The following DUSP5 variants were observed in gnomAD, a reference collection of about 807,000 sequenced individuals.
DUSP5 encodes the protein dual specificity phosphatase 5, also known as dual specificity protein phosphatase 5.
DUSP5 carries 22 observed loss-of-function variants against 33.6 expected under a neutral mutation model. The ratio of observed to expected loss-of-function variants is 0.66; its 90% CI spans 0.47 to 0.94. DUSP5 has a LOEUF of 0.94. Ranked by LOEUF, DUSP5 falls within the 40% of genes least tolerant of loss-of-function variation. The pLI is 0.00. For missense variants in DUSP5, 551 were observed against 522.1 expected (o/e 1.06, Z -0.54); for synonymous variants, 270 against 231.1 (o/e 1.17, Z -1.53).
intron 3 of DUSP5, among the ~76,000 whole-genome samples, chr10:110,509,269 C>A (rs1332415571): frequency 1.3e-5 from 2 of 152,198 alleles, no homozygotes; most frequent in African/African-American, 4.8e-5. Flanking sequence ...CTAAAGAATG[C>A]TAACTGATGG....
At chr10:110,499,477 G>C (rs1005412415) in intron 1 of DUSP5, among the ~76,000 whole-genome samples, 1 of 152,212 alleles carries the variant, frequency 6.6e-6, no homozygotes, top group Non-Finnish European at 1.5e-5. Flanking sequence ...CCCCAAGGCC[G>C]TGCCAGCCCT....
At chr10:110,502,669 C>A in intron 1 of DUSP5, 52 bp from the exon 2 acceptor site, 1 of 1,589,218 alleles carries the variant, frequency 6.3e-7, no homozygotes, top group Non-Finnish European at 8.6e-7. Context: ...TTTTTGACAG[C>A]GTGAGAAATT....
chr10:110,508,048 G>A (rs10787243), intron 3 of DUSP5, among the ~76,000 whole-genome samples: 148,138 of 152,346 alleles, frequency 0.97, 72,184 homozygotes, highest in East Asian at 1. Flanking sequence ...GGATGTTGGA[G>A]GAGGAAAGGC....
chr10:110,500,240 A>C (rs1418525741), intron 1 of DUSP5, among the ~76,000 whole-genome samples: 1 of 152,184 alleles, frequency 6.6e-6, no homozygotes, highest in African/African-American at 2.4e-5. Flanking sequence ...CTGATCATAC[A>C]TGTCTGTTTC....
rs1417254938 is a variant in DUSP5 at position 110,509,647 on chromosome 10, C to G, written c.749-373C>G. ...ACAATTTCAAGGATTTTCCAATGCC[C>G]TCTTGGAACCATCAGTGGAACCTAG... On this transcript the variant is annotated intron_variant, in intron 3 of 3. Coordinates refer to ENST00000369583, the MANE Select transcript of DUSP5 (RefSeq NM_004419.4). Among the ~76,000 whole-genome samples, 4 of 152,360 alleles carry G rather than the reference C, an allele frequency of 2.6e-5. No homozygotes were observed. The South Asian group carries it at 6.2e-4, about 24-fold the overall frequency.
At position 110,498,248 on chromosome 10, in the gene DUSP5, C is replaced by G. The variant is rs555090537; in HGVS notation, c.127C>G (p.Leu43Val). 1.3e-5 allele frequency: 19 copies of G among 1,504,792 alleles called. No individual in the cohort carries two copies. In the East Asian group the frequency reaches 4.8e-4, roughly 38 times the overall value. 93.2% of individuals were successfully genotyped at this position (1,504,792 alleles called of 1,614,324 possible). ...AFAASNVRGS[L>V]NVNLNSVVLR... ...CGCTGCCTCGAACGTGCGCGGCTCGCTCAACGTCAACCTCAACTCGGTGGT... is the reference window on the plus strand; with the variant it reads ...CGCTGCCTCGAACGTGCGCGGCTCGGTCAACGTCAACCTCAACTCGGTGGT... The change falls in exon 1 of 4, where the codon CTC (leucine) becomes GTC (valine). Residue 43 changes from leucine to valine, a missense_variant. Leu to Val is a conservative substitution (Grantham distance 32). Around this residue, in one of 3 missense-constraint regions of DUSP5, gnomAD observed 381 missense variants for 310.4 expected, o/e 1.23. Transcript: ENST00000369583.
At chr10:110,509,378 T>C (rs1264880493) in intron 3 of DUSP5, among the ~76,000 whole-genome samples, 5 of 152,226 alleles carry the variant, frequency 3.3e-5, no homozygotes, top group African/African-American at 1.2e-4. Flanking sequence ...GCCAGGGCTA[T>C]AATTAGTGGC....
chr10:110,498,354 A>T lies in DUSP5; in HGVS notation c.233A>T (p.Glu78Val), dbSNP rs758687361. The part of the protein sequence containing the change: ...DEAARARLLQ[E>V]GGGGVAAVVV... ...GCGGCGCGCGCGCGGCTCCTGCAGG[A>T]GGGCGGCGGCGGCGTCGCGGCCGTG... Residue 78 changes from glutamate to valine, a missense_variant, in exon 1 of 4, where the codon GAG (glutamate) becomes GTG (valine). Around this residue, in one of 3 missense-constraint regions of DUSP5, gnomAD observed 381 missense variants for 310.4 expected, o/e 1.23. Coordinates refer to ENST00000369583, the MANE Select transcript of DUSP5 (RefSeq NM_004419.4). 7 of 1,385,446 alleles carry T rather than the reference A, an allele frequency of 5.1e-6. No homozygotes were observed. The African/African-American group carries it at 7.6e-5, about 15-fold the overall frequency. The allele number at this position is 1,385,446 out of a possible 1,614,324, so 85.8% of individuals were successfully genotyped here. A position where few individuals can be genotyped will look rare whatever the true frequency, so the allele number is the denominator to read the frequency against.
intron 3 of DUSP5, among the ~76,000 whole-genome samples, chr10:110,508,050 A>G (rs887164681): frequency 2.0e-5 from 3 of 152,218 alleles, no homozygotes; most frequent in African/African-American, 7.2e-5. Context: ...ATGTTGGAGG[A>G]GGAAAGGCAG....
chr10:110,498,445 C>G lies in DUSP5; in HGVS notation c.324C>G (p.Val108=), dbSNP rs542883088. 3.9e-6 allele frequency: 6 copies of G among 1,543,102 alleles called. No homozygotes were observed. The highest frequency in any genetic ancestry group is 1.4e-5 in the African/African-American group (1 of 70,742). Reference sequence around the variant, plus strand: ...GAGAGGAGAGCGCCGCGCGTGTCGTCCTCACCTCGCTACTCGCTTGCCTAC... The same window carrying G: ...GAGAGGAGAGCGCCGCGCGTGTCGTGCTCACCTCGCTACTCGCTTGCCTAC... ...KLREESAARV[V]LTSLLACLPA... The change falls in exon 1 of 4, where the codon GTC becomes GTG. Residue 108 remains valine, a synonymous_variant. Coordinates refer to ENST00000369583, the MANE Select transcript of DUSP5 (RefSeq NM_004419.4).
At chr10:110,507,257 T>G in intron 3 of DUSP5, 103 bp downstream of exon 3, 1 of 1,220,960 alleles carries the variant, frequency 8.2e-7, no homozygotes, top group Non-Finnish European at 1.1e-6. Flanking sequence ...GAAAGAAAAG[T>G]GTCTTGTATA....
chr10:110,510,252 C>G lies in DUSP5; in HGVS notation c.981C>G (p.Pro327=), dbSNP rs1860171833. Residue 327 remains proline, a synonymous_variant, in exon 4 of 4, where the codon CCC becomes CCG. Transcript: ENST00000369583. ...ILPSTPNPQP[P]SCQGEAAGSS... ...CCTCCACGCCCAACCCCCAGCCTCC[C>G]TCCTGCCAAGGGGAGGCAGCAGGCT... 1 of 1,614,010 alleles carries G rather than the reference C, an allele frequency of 6.2e-7. No individual in the cohort carries two copies. Among genetic ancestry groups the G allele is most frequent in the Admixed American group, 1.7e-5 (1 of 60,014 alleles).
rs1183628006 is a variant in DUSP5, at chr10:110,498,082, G to A, written c.-40G>A. The A allele has an allele frequency of 6.0e-6, 7 of 1,161,232 alleles. No homozygotes were observed. The highest frequency in any genetic ancestry group is 9.2e-5 in the East Asian group (2 of 21,844). 71.9% of individuals were successfully genotyped at this position (1,161,232 alleles called of 1,614,324 possible). A position where few individuals can be genotyped will look rare whatever the true frequency, so the allele number is the denominator to read the frequency against. On this transcript the variant is annotated 5_prime_UTR_variant, in exon 1 of 4. Coordinates refer to ENST00000369583, the MANE Select transcript of DUSP5 (RefSeq NM_004419.4). The stretch of plus-strand genomic sequence containing the variant: ...ACACCCTGGCCGTGGGCACCCGCGG[G>A]GCGCGCGGCGCGGGGCCGCTGGCCG...
At chr10:110,508,137 C>A (rs1860141020) in intron 3 of DUSP5, among the ~76,000 whole-genome samples, 1 of 152,148 alleles carries the variant, frequency 6.6e-6, no homozygotes, top group Non-Finnish European at 1.5e-5. Flanking sequence ...GCCCTCTGTT[C>A]ACCACACAAT....
chr10:110,510,344 C>T lies in DUSP5; in HGVS notation c.1073C>T (p.Ala358Val). ...DMQGAYCTFP[A>V]SVLAPVPTHS... is the part of the protein sequence containing the mutation. ...CAGGGTGCCTACTGCACATTCCCTGCCTCGGTGCTGGCACCGGTGCCTACC... is the reference window on the plus strand; with the variant it reads ...CAGGGTGCCTACTGCACATTCCCTGTCTCGGTGCTGGCACCGGTGCCTACC... Residue 358 changes from alanine (A) to valine (V), a missense_variant, in exon 4 of 4, where the codon GCC (alanine) becomes GTC (valine). This residue lies in a region of DUSP5 where 158 missense variants were observed against 181.8 expected (regional missense o/e 0.87). Transcript: ENST00000369583. 1.9e-6 allele frequency: 3 copies of T among 1,613,976 alleles called. No homozygotes were observed. The South Asian group carries it at 3.3e-5, about 18-fold the overall frequency.
intron 3 of DUSP5, among the ~76,000 whole-genome samples, chr10:110,508,381 C>T (rs1860145202): frequency 6.6e-6 from 1 of 152,138 alleles, no homozygotes; most frequent in African/African-American, 2.4e-5. Flanking sequence ...GGTCATGAAA[C>T]ACGCCCCCAT....
intron 3 of DUSP5, among the ~76,000 whole-genome samples, chr10:110,507,561 C>T (rs563381898): frequency 3.3e-5 from 5 of 152,276 alleles, no homozygotes; most frequent in East Asian, 3.9e-4. Context: ...GCACTACTTA[C>T]GCACTGAGCC....
At chr10:110,509,401 A>T (rs1013189687) in intron 3 of DUSP5, among the ~76,000 whole-genome samples, 2 of 152,104 alleles carry the variant, frequency 1.3e-5, no homozygotes, top group Admixed American at 6.6e-5. Flanking sequence ...TGCGCTATTT[A>T]TTGTGTGTTT....
chr10:110,505,082 A>C (rs1006431055), intron 2 of DUSP5, among the ~76,000 whole-genome samples: 4 of 152,256 alleles, frequency 2.6e-5, no homozygotes, highest in African/African-American at 9.6e-5. Flanking sequence ...GAGGTGATGC[A>C]GATGGACATT....
Sources: gnomAD v4.1 joint callset for allele counts (sites outside exome capture counted in the v4.1 genomes callset) on GRCh38, gnomAD v4.1.1 for gene constraint, gnomAD v4.1.1 regional missense constraint, MANE v1.5 for transcripts, NCBI Gene and HGNC (gene_info 2026-07-23, HGNC 2026-07-21) for gene names.